The following CACNA2D3 variants were observed in gnomAD, a reference collection of about 807,000 sequenced individuals.
The protein encoded by CACNA2D3 is voltage-dependent calcium channel subunit alpha-2/delta-3.
In CACNA2D3, 60 loss-of-function variants were observed where a neutral mutation model predicts 160.6. That is an observed-to-expected ratio of 0.37 (90% CI 0.30 to 0.46). CACNA2D3 has a LOEUF of 0.46. Ranked by LOEUF, CACNA2D3 falls within the 20% of genes least tolerant of loss-of-function variation. The pLI, the probability that CACNA2D3 is intolerant of heterozygous loss-of-function variation, is 1.00. For synonymous variants in CACNA2D3, 558 were observed against 492.9 expected (o/e 1.13, Z -1.75); for missense variants, 1,205 against 1,365.0 (o/e 0.88, Z 1.85).
intron 11 of CACNA2D3, among the ~76,000 whole-genome samples, chr3:54,646,698 A>G (rs540457613): frequency 3.0e-4 from 46 of 152,280 alleles, no homozygotes; most frequent in African/African-American, 1.0e-3. Flanking sequence ...GCTATTGTAA[A>G]TAGTGCTGCA....
chr3:54,218,286 T>C (rs1401954474), intron 2 of CACNA2D3, among the ~76,000 whole-genome samples: 1 of 152,190 alleles, frequency 6.6e-6, no homozygotes, highest in African/African-American at 2.4e-5. Context: ...AGGTGGACTG[T>C]GACCACCTAG....
At chr3:54,532,754 A>G (rs986660412) in intron 5 of CACNA2D3, among the ~76,000 whole-genome samples, 2 of 152,202 alleles carry the variant, frequency 1.3e-5, no homozygotes, top group African/African-American at 4.8e-5. Context: ...TAGTGCTGCA[A>G]TAAACATTTG....
At chr3:55,063,205 C>T (rs1704555380) in intron 35 of CACNA2D3, among the ~76,000 whole-genome samples, 1 of 152,090 alleles carries the variant, frequency 6.6e-6, no homozygotes, top group Admixed American at 6.6e-5. Context: ...CCAGCAGCAT[C>T]AGTATTGCCT....
At chr3:54,893,781 T>C (rs908919154) in intron 25 of CACNA2D3, among the ~76,000 whole-genome samples, 2 of 137,524 alleles carry the variant, frequency 1.5e-5, no homozygotes, top group Non-Finnish European at 3.2e-5. Flanking sequence ...CCCCCAATAG[T>C]TATAATACAT....
At chr3:54,843,676 G>T (rs1314761583) in intron 16 of CACNA2D3, among the ~76,000 whole-genome samples, 1 of 152,226 alleles carries the variant, frequency 6.6e-6, no homozygotes, top group East Asian at 1.9e-4. Context: ...CTGGAGGATG[G>T]TTTTGTTGGG....
At chr3:54,975,826 C>T (rs1702378347) in intron 29 of CACNA2D3, among the ~76,000 whole-genome samples, 1 of 152,042 alleles carries the variant, frequency 6.6e-6, no homozygotes, top group Non-Finnish European at 1.5e-5. Flanking sequence ...TTGCTATGCC[C>T]AGGGAGTCTA....
chr3:54,349,154 G>T (rs189507222), intron 3 of CACNA2D3, among the ~76,000 whole-genome samples: 1 of 152,150 alleles, frequency 6.6e-6, no homozygotes, highest in Non-Finnish European at 1.5e-5. Context: ...TGGGGACGGG[G>T]TGCTGAGTTT....
At chr3:54,216,137 G>A (rs1701458661) in intron 2 of CACNA2D3, among the ~76,000 whole-genome samples, 1 of 149,832 alleles carries the variant, frequency 6.7e-6, no homozygotes, top group Admixed American at 6.7e-5. Context: ...AGTTGTACGT[G>A]TGTGTGTGTG....
At chr3:54,828,314 A>G (rs1320881660) in intron 14 of CACNA2D3, among the ~76,000 whole-genome samples, 1 of 152,162 alleles carries the variant, frequency 6.6e-6, no homozygotes, top group African/African-American at 2.4e-5. Context: ...CCTCATGATA[A>G]TTTTCATTGT....
At chr3:54,790,117 G>A (rs1008504020) in intron 13 of CACNA2D3, among the ~76,000 whole-genome samples, 1 of 152,206 alleles carries the variant, frequency 6.6e-6, no homozygotes. Context: ...CACAGGCCCT[G>A]GAGCCAGAGG....
At chr3:54,414,108 A>G (rs1024425010) in intron 4 of CACNA2D3, among the ~76,000 whole-genome samples, 4 of 151,964 alleles carry the variant, frequency 2.6e-5, no homozygotes, top group African/African-American at 7.2e-5. Context: ...AACAATTATT[A>G]AAGAGATGAA....
intron 4 of CACNA2D3, among the ~76,000 whole-genome samples, chr3:54,453,625 G>T (rs1287873054): frequency 6.6e-6 from 1 of 152,040 alleles, no homozygotes; most frequent in Non-Finnish European, 1.5e-5. Context: ...TTTCAGGCAG[G>T]GCCCAGTCCA....
intron 11 of CACNA2D3, among the ~76,000 whole-genome samples, chr3:54,704,920 TAG>T (rs1700831049): frequency 6.6e-6 from 1 of 152,040 alleles, no homozygotes. Flanking sequence ...AACAACCCTG[TAG>T]AGAGTGGAGA....
At chr3:54,643,572 G>T (rs1699569808) in intron 11 of CACNA2D3, among the ~76,000 whole-genome samples, 1 of 152,220 alleles carries the variant, frequency 6.6e-6, no homozygotes, top group African/African-American at 2.4e-5. Context: ...TAAACACTGA[G>T]TTCAGTCCAA....
Position 54,444,105 on chromosome 3 carries a change from T to C in CACNA2D3, c.381+57331T>C, listed in dbSNP as rs140730560. ...GGTATGACACCGCATTTCCCCCTTA[T>C]CTATTTCCTTCTTCTTTTCAGCACT... On this transcript the variant is annotated intron_variant, in intron 4 of 37. Coordinates refer to ENST00000474759, the MANE Select transcript of CACNA2D3 (RefSeq NM_018398.3). 1.2e-4 allele frequency among the ~76,000 whole-genome samples: 18 copies of C among 152,260 alleles called. No homozygotes were observed. The East Asian group carries it at 2.9e-3, about 25-fold the overall frequency.
chr3:54,720,723 T>C (rs541957), intron 11 of CACNA2D3, among the ~76,000 whole-genome samples: 141,249 of 152,170 alleles, frequency 0.93, 65,820 homozygotes, highest in Non-Finnish European at 0.94. Flanking sequence ...CTCATTTTAG[T>C]TCTGCTTAAC....
At chr3:54,463,848 T>C (rs1467111323) in intron 4 of CACNA2D3, among the ~76,000 whole-genome samples, 1 of 152,244 alleles carries the variant, frequency 6.6e-6, no homozygotes, top group Non-Finnish European at 1.5e-5. Context: ...AGAGGCGCTC[T>C]GCTTTTTAGA....
intron 4 of CACNA2D3, among the ~76,000 whole-genome samples, chr3:54,433,804 A>G (rs1280267631): frequency 6.6e-6 from 1 of 152,174 alleles, no homozygotes; most frequent in Non-Finnish European, 1.5e-5. Context: ...TTCCTCCTAG[A>G]CAAAGGACGA....
chr3:54,237,840 A>G (rs1701911553), intron 2 of CACNA2D3, among the ~76,000 whole-genome samples: 2 of 152,114 alleles, frequency 1.3e-5, no homozygotes, highest in South Asian at 4.1e-4. Context: ...CACAAGTTCC[A>G]TGGGTAGAGA....
Sources: allele counts gnomAD v4.1 joint callset (sites outside exome capture counted in the v4.1 genomes callset), GRCh38; gene constraint gnomAD v4.1.1; transcripts MANE v1.5; gene names NCBI Gene and HGNC (gene_info 2026-07-23, HGNC 2026-07-21).